Variants in SOBP observed in about 807,000 individuals in gnomAD.
SOBP encodes sine oculis binding protein homolog, also known as sine oculis-binding protein homolog.
A neutral mutation model predicts 53.6 loss-of-function variants in SOBP; 4 were observed. That is an observed-to-expected ratio of 0.07 (90% CI 0.04 to 0.17). The LOEUF (loss-of-function observed/expected upper bound fraction) is 0.17, where lower values mean the gene tolerates loss of function less well. Among genes scored for constraint, SOBP ranks in the 10% least tolerant of loss-of-function variants. The pLI is 1.00. For missense variants in SOBP, 1,088 were observed against 1,204.7 expected, an observed-to-expected ratio of 0.90 and a Z score of 1.43; for synonymous variants, 584 against 522.6, an observed-to-expected ratio of 1.12 and a Z score of -1.60.
At chr6:107,652,022 T>C (rs934203360) in intron 6 of SOBP, among the ~76,000 whole-genome samples, 1 of 152,250 alleles carries the variant, frequency 6.6e-6, no homozygotes, top group Non-Finnish European at 1.5e-5. Context: ...CCAAGAGCTC[T>C]GATGGAGCGG....
At chr6:107,604,948 T>C (rs906772998) in intron 5 of SOBP, among the ~76,000 whole-genome samples, 1 of 152,174 alleles carries the variant, frequency 6.6e-6, no homozygotes, top group Non-Finnish European at 1.5e-5. Context: ...GACATTTCAG[T>C]TCATAAAAAT....
At chr6:107,623,519 G>A (rs1040496343) in intron 5 of SOBP, among the ~76,000 whole-genome samples, 2 of 151,150 alleles carry the variant, frequency 1.3e-5, no homozygotes, top group Admixed American at 1.3e-4. Flanking sequence ...CCCAAGTCAG[G>A]GGGAGAGAGA....
chr6:107,606,535 T>C (rs1364887074), intron 5 of SOBP, among the ~76,000 whole-genome samples: 1 of 152,134 alleles, frequency 6.6e-6, no homozygotes, highest in Non-Finnish European at 1.5e-5. Flanking sequence ...TGCTTCTAGA[T>C]ATTTGATGTC....
chr6:107,499,060 A>G (rs988274229), intron 1 of SOBP, among the ~76,000 whole-genome samples: 2 of 152,232 alleles, frequency 1.3e-5, no homozygotes, highest in African/African-American at 4.8e-5. Flanking sequence ...GTAAGTAGAT[A>G]TGCCCTGTTT....
chr6:107,616,084 T>TGGGGGGGGGGGGGGGGGGGGGGGGGGGGG (rs576223347), intron 5 of SOBP, among the ~76,000 whole-genome samples: 1 of 62,572 alleles, frequency 1.6e-5, no homozygotes. Flanking sequence ...GGAAGGGGGG[T>TGGGGGGGGGGGGGGGGGGGGGGGGGGGGG]GGGGGGGGGG....
intron 1 of SOBP, among the ~76,000 whole-genome samples, chr6:107,496,831 T>C (rs554115590): frequency 2.6e-5 from 4 of 152,358 alleles, no homozygotes; most frequent in African/African-American, 9.6e-5. Flanking sequence ...GGAAGTACTT[T>C]GTAATCTGCA....
chr6:107,644,145 A>C lies in SOBP; in HGVS notation c.*3+8676A>C, dbSNP rs1184652704. 2.6e-5 allele frequency among the ~76,000 whole-genome samples: 4 copies of C among 152,204 alleles called. No homozygotes were observed. The East Asian group carries it at 7.7e-4, about 29-fold the overall frequency. Reference sequence around the variant, plus strand: ...TGGGGAAACCCTGTCTCTACTAAAAATATAAAAAATTAGCTGGACATGATG... The same window carrying C: ...TGGGGAAACCCTGTCTCTACTAAAACTATAAAAAATTAGCTGGACATGATG... On this transcript the variant is annotated intron_variant, in intron 6 of 6. Transcript: ENST00000317357.
Position 107,634,534 on chromosome 6 carries a change from C to T in SOBP, c.1690C>T (p.Pro564Ser). The change falls in exon 6 of 7, where the codon CCG becomes TCG. Residue 564 changes from proline to serine, a missense_variant. This residue lies in a region of SOBP where 665 missense variants were observed against 629.7 expected (regional missense o/e 1.06). Transcript: ENST00000317357. This position sits in a 1 kb window ranked among gnomAD's most constrained non-coding sequence, Gnocchi z 4.5. ...CTCCAGCAACGGGGAGAACTTCATT[C>T]CGAACGCCCCTGGCGACTCCGCGGC... ...GFSSNGENFI[P>S]NAPGDSAAAG... 6.2e-7 allele frequency: 1 copy of T among 1,610,360 alleles called. No homozygotes were observed. The highest frequency in any genetic ancestry group is 8.5e-7 in the Non-Finnish European group (1 of 1,179,876).
At chr6:107,579,635 G>A (rs1203075315) in intron 4 of SOBP, among the ~76,000 whole-genome samples, 2 of 152,130 alleles carry the variant, frequency 1.3e-5, no homozygotes, top group African/African-American at 2.4e-5. Flanking sequence ...AATCAGGCAC[G>A]AGATCAGCCC....
intron 3 of SOBP, among the ~76,000 whole-genome samples, chr6:107,518,830 C>T (rs938589515): frequency 1.3e-5 from 2 of 150,814 alleles, no homozygotes; most frequent in Non-Finnish European, 2.9e-5. Flanking sequence ...CCTAGATTTC[C>T]ATAGTTTTTA....
At chr6:107,573,247 G>A (rs115360293) in intron 4 of SOBP, among the ~76,000 whole-genome samples, 1 of 152,098 alleles carries the variant, frequency 6.6e-6, no homozygotes. Flanking sequence ...ATTGGCATTT[G>A]CAGTGGGATG....
At chr6:107,516,341 A>T (rs1259966019) in intron 3 of SOBP, among the ~76,000 whole-genome samples, 1 of 152,094 alleles carries the variant, frequency 6.6e-6, no homozygotes, top group Non-Finnish European at 1.5e-5. Flanking sequence ...GCGCTCCTAT[A>T]ATCCCAACTA....
chr6:107,502,424 C>T (rs371843626), intron 1 of SOBP, among the ~76,000 whole-genome samples: 1 of 152,160 alleles, frequency 6.6e-6, no homozygotes, highest in African/African-American at 2.4e-5. Flanking sequence ...AAATCATTAA[C>T]ACACAGAGTC....
intron 5 of SOBP, among the ~76,000 whole-genome samples, chr6:107,594,290 G>A (rs747227029): frequency 6.6e-6 from 1 of 152,172 alleles, no homozygotes; most frequent in Non-Finnish European, 1.5e-5. Context: ...CTCAATCAGT[G>A]TTGCTGTGAT....
chr6:107,500,591 G>A (rs1248656762), intron 1 of SOBP, among the ~76,000 whole-genome samples: 3 of 151,214 alleles, frequency 2.0e-5, no homozygotes, highest in Non-Finnish European at 2.9e-5. Flanking sequence ...GCGCGATCTC[G>A]GCTCACTGCA....
chr6:107,533,365 C>A, intron 3 of SOBP, 94 bp from the exon 4 acceptor site: 2 of 1,187,860 alleles, frequency 1.7e-6, no homozygotes, highest in Non-Finnish European at 2.4e-6. Context: ...AAACTAAAAT[C>A]AGGCCCAGGT....
At chr6:107,623,645 T>C (rs1197276352) in intron 5 of SOBP, among the ~76,000 whole-genome samples, 2 of 152,284 alleles carry the variant, frequency 1.3e-5, no homozygotes, top group African/African-American at 4.8e-5. Flanking sequence ...CTGTAAAAAA[T>C]ACAGAAACGG....
At chr6:107,630,743 ACACTCTGTCTCTCT>A (rs1429862601) in intron 5 of SOBP, among the ~76,000 whole-genome samples, 1 of 23,730 alleles carries the variant, frequency 4.2e-5, no homozygotes, top group Non-Finnish European at 2.0e-4. Flanking sequence ...ACACACACAC[ACACTCTGTCTCTCT>A]CTCTCTCTCT....
intron 3 of SOBP, among the ~76,000 whole-genome samples, chr6:107,518,464 C>G (rs1783385434): frequency 6.6e-6 from 1 of 152,110 alleles, no homozygotes; most frequent in Non-Finnish European, 1.5e-5. Context: ...TACACATATG[C>G]AATAATTTAT....
Sources: gnomAD v4.1 joint callset for allele counts (sites outside exome capture counted in the v4.1 genomes callset) on GRCh38, gnomAD v4.1.1 for gene constraint, gnomAD v4.1.1 regional missense constraint, Gnocchi (gnomAD v3.1) non-coding constraint, MANE v1.5 for transcripts, NCBI Gene and HGNC (gene_info 2026-07-23, HGNC 2026-07-21) for gene names.